Variants in SCN9A observed in about 807,000 individuals in gnomAD.
The protein encoded by SCN9A is sodium channel protein type 9 subunit alpha.
SCN9A carries 131 observed loss-of-function variants against 187.0 expected under a neutral mutation model. The ratio of observed to expected loss-of-function variants is 0.70; its 90% CI spans 0.61 to 0.81. The LOEUF is 0.81. Ranked by LOEUF, SCN9A falls within the 30% of genes least tolerant of loss-of-function variation. The pLI, the probability that SCN9A is intolerant of heterozygous loss-of-function variation, is 0.00. For synonymous variants in SCN9A, 809 were observed against 808.6 expected (o/e 1.00, Z -0.01); for missense variants, 2,252 against 2,396.6 (o/e 0.94, Z 1.26).
Position 166,311,737 on chromosome 2 carries a change from G to A in SCN9A, c.20C>T (p.Pro7Leu), listed in dbSNP as rs773012423. Residue 7 changes from proline to leucine, a missense_variant, in exon 2 of 27, where the codon CCA becomes CTA. Physicochemically the swap from Pro to Leu is moderately conservative, Grantham distance 98. Around this residue, in one of 7 missense-constraint regions of SCN9A, gnomAD observed 1,013 missense variants for 997.4 expected, o/e 1.02. Coordinates refer to ENST00000642356, the MANE Select transcript of SCN9A (RefSeq NM_001365536.1). MAMLPP[P>L]GPQSFVHFTK... is the part of the protein sequence containing the mutation. ...GAAATGGACAAAGCTCTGAGGTCCT[G>A]GGGGAGGCAACATTGCCATCTTTTC... is the stretch of plus-strand genomic sequence containing the variant. The A allele has an allele frequency of 5.6e-6, 9 of 1,603,328 alleles. No homozygotes were observed. Among genetic ancestry groups the A allele is most frequent in the Middle Eastern group, 1.7e-4 (1 of 6,020 alleles).
At chr2:166,371,831 G>A (rs1279644094) in intron 1 of SCN9A, among the ~76,000 whole-genome samples, 2 of 152,040 alleles carry the variant, frequency 1.3e-5, no homozygotes, top group Admixed American at 1.3e-4. Flanking sequence ...GTCCTCTTCA[G>A]AGCAAATTTT....
At chr2:166,363,536 A>G (rs1489981598) in intron 1 of SCN9A, among the ~76,000 whole-genome samples, 1 of 152,120 alleles carries the variant, frequency 6.6e-6, no homozygotes, top group African/African-American at 2.4e-5. Context: ...GTATAAAAGA[A>G]AAAACAGAAC....
intron 19 of SCN9A, among the ~76,000 whole-genome samples, chr2:166,239,263 A>G (rs1005483157): frequency 6.6e-6 from 1 of 151,300 alleles, no homozygotes; most frequent in Admixed American, 6.6e-5. Flanking sequence ...GACACTGAAA[A>G]TGATTGCTGA....
chr2:166,286,539 T>G lies in SCN9A; in HGVS notation c.1399A>C (p.Lys467Gln). ...TCTTTAGCACTTTTAGAGCTCAGTT[T>G]GGATGTTTCAGAAGAACTCTCTGAG... is the stretch of plus-strand genomic sequence containing the variant. ...GLSESSSETS[K>Q]LSSKSAKERR... is the part of the protein sequence containing the mutation. The change falls in exon 11 of 27, where the codon AAA (lysine) becomes CAA (glutamine). Residue 467 changes from lysine to glutamine, a missense_variant. Lys to Gln is a moderately conservative substitution (Grantham distance 53). Around this residue, in one of 7 missense-constraint regions of SCN9A, gnomAD observed 1,013 missense variants for 997.4 expected, o/e 1.02. Coordinates refer to ENST00000642356, the MANE Select transcript of SCN9A (RefSeq NM_001365536.1). 1.9e-6 allele frequency: 3 copies of G among 1,610,844 alleles called. No individual in the cohort carries two copies. Among genetic ancestry groups the G allele is most frequent in the Non-Finnish European group, 2.5e-6 (3 of 1,179,014 alleles).
At chr2:166,305,969 A>G in intron 4 of SCN9A, 49 bp from the exon 5 acceptor site, 1 of 1,599,236 alleles carries the variant, frequency 6.3e-7, no homozygotes, top group Non-Finnish European at 8.5e-7. Context: ...GAATACAACC[A>G]CCATGTAAAT....
chr2:166,246,984 C>A (rs1330380736), intron 18 of SCN9A, among the ~76,000 whole-genome samples: 1 of 151,704 alleles, frequency 6.6e-6, no homozygotes, highest in Non-Finnish European at 1.5e-5. Flanking sequence ...TGTTATCATA[C>A]CTTCTCTTTA....
rs866757410 is a variant in SCN9A at position 166,228,942 on chromosome 2, G to A, written c.3955C>T (p.Pro1319Ser). ...VVVNALIGAI[P>S]SIMNVLLVCL... ...ACAAGTAGCACATTCATGATGGAAG[G>A]AATTGCTCCTATGAGTGCATTCACA... Residue 1319 changes from proline to serine, a missense_variant, in exon 22 of 27, where the codon CCT (proline) becomes TCT (serine). Around this residue, in one of 7 missense-constraint regions of SCN9A, gnomAD observed 368 missense variants for 408.6 expected, o/e 0.90. Transcript: ENST00000642356. The A allele has an allele frequency of 6.2e-7, 1 of 1,613,562 alleles. No individual in the cohort carries two copies. Among genetic ancestry groups the A allele is most frequent in the Non-Finnish European group, 8.5e-7 (1 of 1,179,538 alleles).
intron 1 of SCN9A, among the ~76,000 whole-genome samples, chr2:166,372,141 T>C (rs907772454): frequency 1.3e-5 from 2 of 152,104 alleles, no homozygotes; most frequent in Admixed American, 6.6e-5. Context: ...AGTATGAAAA[T>C]GACACAATCA....
In SCN9A at chr2:166,340,532, TTTTCTTTCCCTTTC is replaced by T. The variant is rs1307581292; in HGVS notation, c.-50-28740_-50-28727del. On this transcript the variant is annotated intron_variant, in intron 1 of 26. Transcript: ENST00000642356. The stretch of plus-strand genomic sequence containing the variant: ...TTTCCTTCCTTCCCTCTCTCCTTTC[TTTTCTTTCCCTTTC>T]TTTCTTTCTTTCTTTCTTTCTTTCT... Among the ~76,000 whole-genome samples the T allele has an allele frequency of 9.1e-3, 1,137 of 125,136 alleles. 58 individuals are homozygous for T. The highest frequency in any genetic ancestry group is 0.031 in the African/African-American group (1,003 of 32,604). The allele number at this position is 125,136 out of a possible 152,430, so 82.1% of individuals were successfully genotyped here.
intron 1 of SCN9A, among the ~76,000 whole-genome samples, chr2:166,328,957 A>T (rs887343289): frequency 6.6e-6 from 1 of 152,036 alleles, no homozygotes; most frequent in African/African-American, 2.4e-5. Flanking sequence ...TTTACATAAA[A>T]TTTTTTCTCT....
At chr2:166,278,028 A>G (rs962827777) in intron 15 of SCN9A, 112 bp downstream of exon 15, 3 of 745,922 alleles carry the variant, frequency 4.0e-6, no homozygotes, top group Non-Finnish European at 6.3e-6. Context: ...CTAGATATCA[A>G]GATATAATCT....
In SCN9A at chr2:166,198,732, A is replaced by G. The variant is rs776830048; in HGVS notation, c.5907T>C (p.Tyr1969=). ...DSVTKPDKEK[Y]EQDRTEKEDK... ...CTTCCTTTTCTGTTCTGTCTTGTTC[A>G]TATTTCTCTTTGTCTGGCTTTGTTA... Residue 1969 remains tyrosine, a synonymous_variant, in exon 27 of 27, where the codon TAT becomes TAC. Transcript: ENST00000642356. The G allele has an allele frequency of 3.7e-6, 6 of 1,613,098 alleles. No homozygotes were observed. Among genetic ancestry groups the G allele is most frequent in the Non-Finnish European group, 4.2e-6 (5 of 1,179,586 alleles).
chr2:166,295,916 G>A (rs796830243), intron 7 of SCN9A: 10 of 152,000 alleles, frequency 6.6e-5, no homozygotes, highest in African/African-American at 2.4e-4. Flanking sequence ...TAAGACTGGG[G>A]GCAGATCTAT....
At chr2:166,291,759 A>G (rs1449082859) in intron 9 of SCN9A, among the ~76,000 whole-genome samples, 1 of 152,216 alleles carries the variant, frequency 6.6e-6, no homozygotes, top group Non-Finnish European at 1.5e-5. Flanking sequence ...GACCTCAGAA[A>G]TAACACCACA....
intron 11 of SCN9A, 27 bp downstream of exon 11, chr2:166,286,309 A>C: frequency 6.3e-7 from 1 of 1,581,660 alleles, no homozygotes; most frequent in Non-Finnish European, 8.6e-7. Context: ...GCCTCGGGTG[A>C]TACACATTTA....
Position 166,233,320 on chromosome 2 carries a change from A to T in SCN9A, c.3924+20T>A. 1 of 1,478,600 alleles carries T rather than the reference A, an allele frequency of 6.8e-7. No homozygotes were observed. Among genetic ancestry groups the T allele is most frequent in the East Asian group, 2.5e-5 (1 of 40,156 alleles). The allele number at this position is 1,478,600 out of a possible 1,614,324, so 91.6% of individuals were successfully genotyped here. ...CCCCATTAAAAAATAAGAACATTAT[A>T]AAGTTTAGTATTTTCTTACCCTCAT... On this transcript the variant is annotated intron_variant, in intron 21 of 26. Transcript: ENST00000642356.
intron 19 of SCN9A, among the ~76,000 whole-genome samples, 197 bp downstream of exon 19, chr2:166,242,305 C>A (rs1695601350): frequency 1.3e-5 from 2 of 152,004 alleles, no homozygotes; most frequent in Admixed American, 6.6e-5. Flanking sequence ...CAACAGCATT[C>A]AGGGCAGCAA....
At chr2:166,305,765 C>T in intron 5 of SCN9A, 27 bp downstream of exon 5, 1 of 1,612,816 alleles carries the variant, frequency 6.2e-7, no homozygotes, top group Non-Finnish European at 8.5e-7. Flanking sequence ...CATAAATTTG[C>T]CGTTTCAAAA....
At chr2:166,317,214 A>G (rs1273523210) in intron 1 of SCN9A, among the ~76,000 whole-genome samples, 1 of 151,884 alleles carries the variant, frequency 6.6e-6, no homozygotes. Context: ...TCTATCCAGA[A>G]GAAAGAAAAT....
Sources: allele counts gnomAD v4.1 joint callset (sites outside exome capture counted in the v4.1 genomes callset), GRCh38; gene constraint gnomAD v4.1.1; regional missense constraint gnomAD v4.1.1; transcripts MANE v1.5; gene names NCBI Gene and HGNC (gene_info 2026-07-23, HGNC 2026-07-21).